Variants in INSC observed in about 807,000 individuals in gnomAD.
The protein encoded by INSC is protein inscuteable homolog.
A neutral mutation model predicts 58.6 loss-of-function variants in INSC; 67 were observed. The ratio of observed to expected loss-of-function variants is 1.14; its 90% CI spans 0.94 to 1.40. INSC has a LOEUF of 1.40. INSC is among the 40% of genes most tolerant of loss of function. The pLI, the probability that INSC is intolerant of heterozygous loss-of-function variation, is 0.00. For missense variants in INSC, 714 were observed against 692.0 expected, an observed-to-expected ratio of 1.03 and a Z score of -0.36; for synonymous variants, 262 against 276.1, an observed-to-expected ratio of 0.95 and a Z score of 0.51.
intron 12 of INSC, among the ~76,000 whole-genome samples, chr11:15,242,988 A>G (rs1309454445): frequency 6.6e-6 from 1 of 152,126 alleles, no homozygotes; most frequent in African/African-American, 2.4e-5. Flanking sequence ...TCCAGCACTG[A>G]CTCATGGAGG....
chr11:15,225,980 A>G (rs550950033), intron 9 of INSC, 152 bp downstream of exon 9: 4 of 740,092 alleles, frequency 5.4e-6, no homozygotes, highest in East Asian at 2.7e-5. Flanking sequence ...CACGTTTCTC[A>G]TTGACTTTGT....
chr11:15,252,487 C>T, the INSC span, among the ~76,000 whole-genome samples: 1 of 152,188 alleles, frequency 6.6e-6, no homozygotes, highest in Non-Finnish European at 1.5e-5. Flanking sequence ...AGCTGGCTGG[C>T]AAGTTGGTGC....
chr11:15,145,831 G>C (rs1848478690), intron 1 of INSC, among the ~76,000 whole-genome samples: 1 of 152,236 alleles, frequency 6.6e-6, no homozygotes, highest in African/African-American at 2.4e-5. Flanking sequence ...AGTAGGCAGT[G>C]CTGGTGAGAG....
chr11:15,168,160 G>A (rs1178149751), intron 2 of INSC, among the ~76,000 whole-genome samples: 2 of 152,068 alleles, frequency 1.3e-5, no homozygotes, highest in Admixed American at 6.6e-5. Context: ...GGATGTGCAG[G>A]TTTGTTATAT....
chr11:15,219,918 C>G (rs1328179536), intron 7 of INSC, among the ~76,000 whole-genome samples: 1 of 152,160 alleles, frequency 6.6e-6, no homozygotes, highest in Non-Finnish European at 1.5e-5. Flanking sequence ...TCTCTGAAGG[C>G]CTGTTAGTTA....
chr11:15,268,494 A>G, the INSC span, among the ~76,000 whole-genome samples: 1 of 152,212 alleles, frequency 6.6e-6, no homozygotes, highest in East Asian at 1.9e-4. Flanking sequence ...CATGCTGGAA[A>G]CAATTAGATT....
At chr11:15,224,972 A>G (rs1056523151) in intron 8 of INSC, among the ~76,000 whole-genome samples, 3 of 152,226 alleles carry the variant, frequency 2.0e-5, no homozygotes, top group Admixed American at 2.0e-4. Context: ...GGAGGGGTAT[A>G]GTCTCTCTGT....
the INSC span, among the ~76,000 whole-genome samples, chr11:15,263,621 A>G: frequency 6.6e-6 from 1 of 152,134 alleles, no homozygotes; most frequent in South Asian, 2.1e-4. Flanking sequence ...AGTTATCACA[A>G]AATTTTCAGC....
chr11:15,221,624 G>A lies in INSC; in HGVS notation c.967G>A (p.Glu323Lys). ...CCTCAGTAGCTTCCTGGAGAGCATG[G>A]AGGAGATCGTGACAGCCCTCGTCAG... ...QHLSSFLESMEEIVTALVKLC... is the reference protein window; with the variant it reads ...QHLSSFLESMKEIVTALVKLC... Residue 323 changes from glutamate (E) to lysine (K), a missense_variant, in exon 8 of 13, where the codon GAG becomes AAG. By Grantham distance (56) the Glu-to-Lys change is moderately conservative. Coordinates refer to ENST00000379556, the MANE Select transcript of INSC (RefSeq NM_001042536.3). 2 of 1,613,358 alleles carry A rather than the reference G, an allele frequency of 1.2e-6. No individual in the cohort carries two copies. Among genetic ancestry groups the A allele is most frequent in the Middle Eastern group, 3.3e-4 (2 of 6,060 alleles).
chr11:15,231,661 T>C (rs1851930752), intron 9 of INSC, among the ~76,000 whole-genome samples: 1 of 152,274 alleles, frequency 6.6e-6, no homozygotes, highest in Non-Finnish European at 1.5e-5. Context: ...ATTACAGTCA[T>C]ACAAGCTGTT....
At chr11:15,244,587 T>G (rs1026243836) in intron 12 of INSC, among the ~76,000 whole-genome samples, 2 of 152,204 alleles carry the variant, frequency 1.3e-5, no homozygotes, top group African/African-American at 4.8e-5. Context: ...TGCATAGGTC[T>G]GAGTGCCCTG....
At chr11:15,233,410 A>G (rs547972888) in intron 9 of INSC, among the ~76,000 whole-genome samples, 1 of 152,202 alleles carries the variant, frequency 6.6e-6, no homozygotes, top group South Asian at 2.1e-4. Context: ...ATAAACAGTG[A>G]CCTCTTTCCC....
intron 9 of INSC, among the ~76,000 whole-genome samples, chr11:15,232,094 CT>C (rs1457857228): frequency 5.9e-5 from 9 of 152,338 alleles, no homozygotes; most frequent in African/African-American, 1.9e-4. Flanking sequence ...ATTTTCATGT[CT>C]TTGGAGGCCA....
intron 5 of INSC, among the ~76,000 whole-genome samples, chr11:15,189,851 T>A (rs909554399): frequency 6.6e-6 from 1 of 152,238 alleles, no homozygotes; most frequent in East Asian, 1.9e-4. Context: ...ATGAATCACA[T>A]GCTTCAAAGC....
chr11:15,247,756 T>TATATATATATA (rs1473234183), downstream of INSC, among the ~76,000 whole-genome samples: 10 of 148,380 alleles, frequency 6.7e-5, no homozygotes, highest in African/African-American at 9.9e-5. Context: ...TATATATATA[T>TATATATATATA]TTCACTGAGT....
At chr11:15,239,133 G>C in intron 11 of INSC, 59 bp downstream of exon 11, 1 of 1,552,574 alleles carries the variant, frequency 6.4e-7, no homozygotes, top group Non-Finnish European at 8.7e-7. Context: ...GGTGGGAGCA[G>C]CTCTGATTTC....
the INSC span, among the ~76,000 whole-genome samples, chr11:15,263,289 C>G: frequency 6.6e-6 from 1 of 152,064 alleles, no homozygotes; most frequent in Admixed American, 6.6e-5. Flanking sequence ...AGGCAGAGAT[C>G]ATATCTGAAG....
intron 3 of INSC, among the ~76,000 whole-genome samples, 174 bp downstream of exon 3, chr11:15,176,260 G>A (rs965027960): frequency 2.0e-4 from 30 of 152,100 alleles, no homozygotes; most frequent in African/African-American, 7.2e-4. Flanking sequence ...ACTATGTGGT[G>A]GACATTGTGC....
intron 7 of INSC, among the ~76,000 whole-genome samples, chr11:15,218,594 C>T (rs1281866311): frequency 1.3e-5 from 2 of 151,812 alleles, no homozygotes; most frequent in African/African-American, 4.8e-5. Context: ...ATATATTTCC[C>T]TTTTGAAGGG....
Sources: gnomAD v4.1 joint callset for allele counts (sites outside exome capture counted in the v4.1 genomes callset) on GRCh38, gnomAD v4.1.1 for gene constraint, MANE v1.5 for transcripts, NCBI Gene and HGNC (gene_info 2026-07-23, HGNC 2026-07-21) for gene names.